The following ROBO2 variants were observed in gnomAD, a reference collection of about 807,000 sequenced individuals.
ROBO2 encodes roundabout guidance receptor 2.
A neutral mutation model predicts 160.8 loss-of-function variants in ROBO2; 53 were observed. The ratio of observed to expected loss-of-function variants is 0.33; its 90% CI spans 0.26 to 0.41. The LOEUF (loss-of-function observed/expected upper bound fraction) is 0.41. Among genes scored for constraint, ROBO2 ranks in the 10% least tolerant of loss-of-function variants. The pLI is 1.00. For synonymous variants in ROBO2, 664 were observed against 611.7 expected (o/e 1.09, Z -1.26); for missense variants, 1,577 against 1,722.4 (o/e 0.92, Z 1.49).
chr3:76,256,273 G>A (rs1706355220), intron 2 of ROBO2, among the ~76,000 whole-genome samples: 1 of 150,216 alleles, frequency 6.7e-6, no homozygotes. Context: ...TTGTGCCACT[G>A]CACTGCAGCC....
exon 1 of ROBO2, chr3:77,040,515 G>A (rs1024656404): frequency 5.3e-5 from 72 of 1,348,960 alleles, no homozygotes; most frequent in Non-Finnish European, 6.4e-5. Context: ...CCCTCTGGCT[G>A]GGCTGAATTT....
intron 2 of ROBO2, among the ~76,000 whole-genome samples, chr3:77,439,380 G>T (rs2153551446): frequency 6.6e-6 from 1 of 152,124 alleles, no homozygotes; most frequent in Non-Finnish European, 1.5e-5. Flanking sequence ...CTAAAATGAA[G>T]ATATCTGATG....
At chr3:76,682,163 G>A (rs1282708598) in intron 2 of ROBO2, among the ~76,000 whole-genome samples, 2 of 152,022 alleles carry the variant, frequency 1.3e-5, no homozygotes, top group East Asian at 3.9e-4. Flanking sequence ...GATGGCAGGG[G>A]GTGGACGTAG....
chr3:76,383,901 G>A (rs918595351), intron 2 of ROBO2, among the ~76,000 whole-genome samples: 8 of 152,162 alleles, frequency 5.3e-5, no homozygotes, highest in African/African-American at 9.7e-5. Context: ...GGAAATTTCC[G>A]TTCAGGGTAT....
chr3:76,249,523 T>C (rs1013471538), intron 2 of ROBO2, among the ~76,000 whole-genome samples: 1 of 152,158 alleles, frequency 6.6e-6, no homozygotes, highest in African/African-American at 2.4e-5. Context: ...AAAGTTATTA[T>C]TATTTTGCAA....
intron 8 of ROBO2, among the ~76,000 whole-genome samples, chr3:77,557,358 T>C (rs1346337439): frequency 1.3e-5 from 2 of 151,974 alleles, no homozygotes; most frequent in Non-Finnish European, 2.9e-5. Context: ...TGACTGTAAT[T>C]TGATGAGCTC....
chr3:76,589,811 T>A (rs570993328), intron 2 of ROBO2, among the ~76,000 whole-genome samples: 4 of 152,180 alleles, frequency 2.6e-5, no homozygotes, highest in African/African-American at 9.6e-5. Flanking sequence ...CACCCAGAGC[T>A]GTAATCCAAA....
chr3:76,985,346 G>A lies in ROBO2; in HGVS notation c.110-112668G>A, dbSNP rs1162429866. Among the ~76,000 whole-genome samples the A allele has an allele frequency of 5.9e-5, 9 of 151,978 alleles. No individual in the cohort carries two copies. In the East Asian group the frequency reaches 1.6e-3, roughly 26 times the overall value. On this transcript the variant is annotated intron_variant, in intron 2 of 26. Coordinates refer to the ROBO2 transcript ENST00000487694. ...ACCTGTAATCCCAGCACTTTGGGAG[G>A]CCAAGGTGGGAAGATCACGAGGTCA...
At position 76,643,019 on chromosome 3, in the gene ROBO2, G is replaced by T. The variant is rs115013120; in HGVS notation, c.110-454995G>T. ...TTATTACATGCAAAGAAGGCTTCAG[G>T]TGGCTGTGGTCTGGCTCTGAATTTG... On this transcript the variant is annotated intron_variant, in intron 2 of 26. Coordinates refer to the ROBO2 transcript ENST00000487694. Among the ~76,000 whole-genome samples, 633 of 152,270 alleles carry T rather than the reference G, an allele frequency of 4.2e-3. 4 individuals carry two copies. The highest frequency in any genetic ancestry group is 3.1e-3 in the Non-Finnish European group (213 of 68,006).
At chr3:77,202,925 C>T (rs190349585) in intron 2 of ROBO2, among the ~76,000 whole-genome samples, 133 of 152,242 alleles carry the variant, frequency 8.7e-4, no homozygotes, top group African/African-American at 3.0e-3. Context: ...GCTGTGGTTC[C>T]GAACTTTTCC....
At chr3:76,777,048 T>G (rs1429657366) in intron 2 of ROBO2, among the ~76,000 whole-genome samples, 1 of 151,044 alleles carries the variant, frequency 6.6e-6, no homozygotes, top group Non-Finnish European at 1.5e-5. Flanking sequence ...ATATAATCCT[T>G]AATGTGAAAT....
At chr3:77,562,716 A>T (rs902933079) in exon 10 of ROBO2, 41 of 1,612,274 alleles carry the variant, frequency 2.5e-5, no homozygotes, top group Admixed American at 3.3e-5. Flanking sequence ...CCTGGAGTGC[A>T]GTGCTGGATG....
intron 2 of ROBO2, among the ~76,000 whole-genome samples, chr3:77,249,059 C>A (rs552197709): frequency 1.1e-4 from 17 of 152,102 alleles, no homozygotes; most frequent in African/African-American, 4.1e-4. Context: ...TCCATGTTGG[C>A]CAGGCTGGTC....
At chr3:77,431,190 A>C (rs951552113) in intron 2 of ROBO2, among the ~76,000 whole-genome samples, 1 of 152,154 alleles carries the variant, frequency 6.6e-6, no homozygotes, top group Admixed American at 6.6e-5. Flanking sequence ...AGTAACTCTT[A>C]ATGTCTGAGA....
intron 2 of ROBO2, among the ~76,000 whole-genome samples, chr3:77,100,627 G>A (rs2071782351): frequency 6.6e-6 from 1 of 151,974 alleles, no homozygotes; most frequent in Admixed American, 6.6e-5. Context: ...TTAATAGAAG[G>A]CGGATATCCA....
At position 77,273,220 on chromosome 3, in the gene ROBO2, G is replaced by A. The variant is rs576155652; in HGVS notation, c.388+174880G>A. On this transcript the variant is annotated intron_variant, in intron 2 of 25. Coordinates refer to ENST00000461745, the Ensembl canonical transcript of ROBO2. ...AGAAAATGTGGCACATATACACTAT[G>A]GGATATGTGCAGCTGTAGAAAAAGA... is the stretch of plus-strand genomic sequence containing the variant. 2.0e-5 allele frequency among the ~76,000 whole-genome samples: 3 copies of A among 152,186 alleles called. No homozygotes were observed. In the South Asian group the frequency reaches 6.2e-4, roughly 32 times the overall value.
chr3:76,542,707 C>G (rs564495068), intron 2 of ROBO2, among the ~76,000 whole-genome samples: 1 of 152,078 alleles, frequency 6.6e-6, no homozygotes. Context: ...TCCGCAAGAT[C>G]TTGAAAGGAA....
rs115149229 is a variant in ROBO2 at position 76,077,973 on chromosome 3, C to A, written c.109+140371C>A. ...TAATTTCCTCATTTCTTAGAATGAACCTGCAGTGCAAATTTACTGCTAACA... is the reference window on the plus strand; with the variant it reads ...TAATTTCCTCATTTCTTAGAATGAAACTGCAGTGCAAATTTACTGCTAACA... On this transcript the variant is annotated intron_variant, in intron 2 of 26. Coordinates refer to the ROBO2 transcript ENST00000487694. 3.3e-3 allele frequency among the ~76,000 whole-genome samples: 506 copies of A among 152,268 alleles called. 2 individuals carry two copies. The highest frequency in any genetic ancestry group is 0.012 in the African/African-American group (483 of 41,560).
At chr3:76,220,911 A>G (rs1703922914) in intron 2 of ROBO2, among the ~76,000 whole-genome samples, 1 of 152,142 alleles carries the variant, frequency 6.6e-6, no homozygotes, top group African/African-American at 2.4e-5. Context: ...AAGAACTTCC[A>G]CTGGTTGTAG....
Sources: gnomAD v4.1 joint callset for allele counts (sites outside exome capture counted in the v4.1 genomes callset) on GRCh38, gnomAD v4.1.1 for gene constraint, MANE v1.5 for transcripts, NCBI Gene and HGNC (gene_info 2026-07-23, HGNC 2026-07-21) for gene names.